Variants in PDCD1LG2 observed in about 807,000 individuals in gnomAD.
PDCD1LG2 encodes the protein programmed cell death 1 ligand 2.
In PDCD1LG2, 32 loss-of-function variants were observed where a neutral mutation model predicts 28.2. That is an observed-to-expected ratio of 1.13 (90% confidence interval 0.86 to 1.52). The LOEUF is 1.52. Ranked by LOEUF, PDCD1LG2 falls within the 40% of genes most tolerant of loss-of-function variation. PDCD1LG2 has a pLI of 0.00. For missense variants in PDCD1LG2, 385 were observed against 323.8 expected (o/e 1.19, Z -1.45); for synonymous variants, 116 against 120.2 (o/e 0.97, Z 0.23).
At chr9:5,560,682 C>G (rs969528890) in intron 5 of PDCD1LG2, among the ~76,000 whole-genome samples, 2 of 148,468 alleles carry the variant, frequency 1.3e-5, no homozygotes, top group Non-Finnish European at 2.9e-5. Context: ...CTCTTAGGGC[C>G]ATTGGTATCC....
chr9:5,553,362 C>T (rs1016425904), intron 4 of PDCD1LG2, among the ~76,000 whole-genome samples: 8 of 152,156 alleles, frequency 5.3e-5, no homozygotes, highest in South Asian at 2.1e-4. Context: ...AGCAATCCCA[C>T]GAGAACTTTT....
intron 1 of PDCD1LG2, among the ~76,000 whole-genome samples, chr9:5,519,424 G>T (rs775762219): frequency 3.3e-5 from 5 of 152,132 alleles, no homozygotes; most frequent in Non-Finnish European, 7.4e-5. Context: ...GGTCAGCAAG[G>T]CCCCAGGTGT....
At chr9:5,543,204 C>T (rs1297485500) in intron 3 of PDCD1LG2, among the ~76,000 whole-genome samples, 1 of 152,030 alleles carries the variant, frequency 6.6e-6, no homozygotes, top group African/African-American at 2.4e-5. Flanking sequence ...AATGGACTTT[C>T]AGGACTTAGG....
intron 2 of PDCD1LG2, among the ~76,000 whole-genome samples, chr9:5,525,934 C>G (rs919828649): frequency 6.6e-6 from 1 of 151,878 alleles, no homozygotes; most frequent in African/African-American, 2.4e-5. Context: ...GTAATCCCAG[C>G]TACTCGGGAG....
At chr9:5,541,274 T>G (rs1322145131) in intron 3 of PDCD1LG2, among the ~76,000 whole-genome samples, 2 of 152,178 alleles carry the variant, frequency 1.3e-5, no homozygotes, top group Non-Finnish European at 2.9e-5. Context: ...TGGGGAAAAG[T>G]TGAAAGCATT....
chr9:5,563,583 T>C (rs1240887742), intron 6 of PDCD1LG2, among the ~76,000 whole-genome samples: 2 of 151,840 alleles, frequency 1.3e-5, no homozygotes, highest in Admixed American at 1.3e-4. Context: ...GAGTCAAGAG[T>C]AATATGGGAA....
intron 2 of PDCD1LG2, among the ~76,000 whole-genome samples, chr9:5,525,343 T>TAAAAAAAAAA (rs34153756): frequency 7.3e-6 from 1 of 136,862 alleles, no homozygotes; most frequent in Non-Finnish European, 1.6e-5. Flanking sequence ...AGATTCCATT[T>TAAAAAAAAAA]AAAAAAAAAA....
chr9:5,516,797 T>A (rs1473983308), intron 1 of PDCD1LG2, among the ~76,000 whole-genome samples: 1 of 152,196 alleles, frequency 6.6e-6, no homozygotes, highest in Non-Finnish European at 1.5e-5. Context: ...CAACTTTGCT[T>A]CACCCAGTAG....
chr9:5,534,220 T>C (rs1272867140), intron 2 of PDCD1LG2, among the ~76,000 whole-genome samples: 2 of 152,274 alleles, frequency 1.3e-5, no homozygotes, highest in Non-Finnish European at 2.9e-5. Flanking sequence ...ATTATTACCA[T>C]CACTGGTGAG....
At chr9:5,525,359 GA>G (rs1041422349) in intron 2 of PDCD1LG2, among the ~76,000 whole-genome samples, 10 of 133,940 alleles carry the variant, frequency 7.5e-5, no homozygotes, top group South Asian at 7.2e-4. Context: ...AAAAAAAAAA[GA>G]AAAAAAAACA....
At chr9:5,525,506 T>C (rs1381265483) in intron 2 of PDCD1LG2, among the ~76,000 whole-genome samples, 1 of 151,446 alleles carries the variant, frequency 6.6e-6, no homozygotes, top group Non-Finnish European at 1.5e-5. Context: ...TTGCAGAATA[T>C]ATATTATATA....
At chr9:5,518,849 T>C (rs1820218740) in intron 1 of PDCD1LG2, among the ~76,000 whole-genome samples, 1 of 152,254 alleles carries the variant, frequency 6.6e-6, no homozygotes, top group South Asian at 2.1e-4. Flanking sequence ...GTCAGGATCA[T>C]CCATGACCTC....
chr9:5,558,746 A>G (rs1164186795), intron 5 of PDCD1LG2, among the ~76,000 whole-genome samples: 1 of 152,266 alleles, frequency 6.6e-6, no homozygotes, highest in Admixed American at 6.5e-5. Flanking sequence ...GCTGACCACA[A>G]TATTTCTAAC....
intron 4 of PDCD1LG2, among the ~76,000 whole-genome samples, chr9:5,553,062 GT>G (rs1816369225): frequency 6.6e-6 from 1 of 151,996 alleles, no homozygotes; most frequent in Admixed American, 6.6e-5. Context: ...AGCTACAATT[GT>G]GCCATTGTAC....
At chr9:5,515,787 G>C (rs943759625) in intron 1 of PDCD1LG2, among the ~76,000 whole-genome samples, 2 of 151,748 alleles carry the variant, frequency 1.3e-5, no homozygotes, top group African/African-American at 2.4e-5. Flanking sequence ...GCCAGGTGCA[G>C]TTGTGCACGC....
chr9:5,542,762 C>CT (rs1820710265), intron 3 of PDCD1LG2, among the ~76,000 whole-genome samples: 1 of 152,152 alleles, frequency 6.6e-6, no homozygotes, highest in Non-Finnish European at 1.5e-5. Context: ...CTATGGAAAA[C>CT]AGTGTGGAGA....
chr9:5,530,882 T>C (rs1398747062), intron 2 of PDCD1LG2, among the ~76,000 whole-genome samples: 2 of 152,218 alleles, frequency 1.3e-5, no homozygotes, highest in Non-Finnish European at 2.9e-5. Flanking sequence ...AAAATGCAGA[T>C]CCTGATTCCC....
At chr9:5,551,342 A>G (rs569781677) in intron 4 of PDCD1LG2, among the ~76,000 whole-genome samples, 2 of 152,202 alleles carry the variant, frequency 1.3e-5, no homozygotes, top group Non-Finnish European at 2.9e-5. Flanking sequence ...AGAGCCTATG[A>G]TAAGGACTTG....
intron 1 of PDCD1LG2, among the ~76,000 whole-genome samples, chr9:5,516,181 A>G (rs1586789803): frequency 6.6e-6 from 1 of 151,916 alleles, no homozygotes; most frequent in Non-Finnish European, 1.5e-5. Flanking sequence ...CCTCCCGAGT[A>G]GCTGGTATTA....
Sources: gnomAD v4.1 joint callset for allele counts (sites outside exome capture counted in the v4.1 genomes callset) on GRCh38, gnomAD v4.1.1 for gene constraint, MANE v1.5 for transcripts, NCBI Gene and HGNC (gene_info 2026-07-23, HGNC 2026-07-21) for gene names.